Variants in PID1 observed in about 807,000 individuals in gnomAD.
PID1 encodes phosphotyrosine interaction domain containing 1.
A neutral mutation model predicts 19.1 loss-of-function variants in PID1; 10 were observed. The observed-to-expected ratio is 0.52, with a 90% CI of 0.32 to 0.89. The LOEUF is 0.89. Among genes scored for constraint, PID1 ranks in the 40% least tolerant of loss-of-function variants. The probability of loss-of-function intolerance (pLI) is 0.03; values close to 1 mark genes in which losing one functional copy is unlikely to be tolerated. For synonymous variants in PID1, 130 were observed against 116.0 expected, an observed-to-expected ratio of 1.12 and a Z score of -0.78; for missense variants, 248 against 285.3, an observed-to-expected ratio of 0.87 and a Z score of 0.94.
Position 229,091,468 on chromosome 2 carries a change from T to C in PID1, c.177+64350A>G, listed in dbSNP as rs559616820. Among the ~76,000 whole-genome samples the C allele has an allele frequency of 2.6e-5, 4 of 152,262 alleles. No individual in the cohort carries two copies. In the East Asian group the frequency reaches 7.7e-4, roughly 29 times the overall value. ...CTGCAAAATTCATATATTGAAATCC[T>C]AACCCCCGAAGTGACGGTATGAAGA... On this transcript the variant is annotated intron_variant, in intron 2 of 2. Coordinates refer to ENST00000392055, the MANE Select transcript of PID1 (RefSeq NM_001100818.2).
intron 2 of PID1, among the ~76,000 whole-genome samples, chr2:229,109,307 G>A (rs1311676883): frequency 1.3e-5 from 2 of 152,056 alleles, no homozygotes; most frequent in Non-Finnish European, 2.9e-5. Flanking sequence ...AAACCCCCGA[G>A]TTCTAATATA....
At chr2:229,063,667 C>T (rs1694260133) in intron 2 of PID1, among the ~76,000 whole-genome samples, 1 of 152,038 alleles carries the variant, frequency 6.6e-6, no homozygotes, top group African/African-American at 2.4e-5. Context: ...TTAAAATCCA[C>T]TGTTTCCCTG....
intron 2 of PID1, among the ~76,000 whole-genome samples, chr2:229,125,601 G>A (rs1695607380): frequency 6.6e-6 from 1 of 152,144 alleles, no homozygotes; most frequent in African/African-American, 2.4e-5. Flanking sequence ...CTACACTGAA[G>A]TACATAAATG....
intron 2 of PID1, among the ~76,000 whole-genome samples, chr2:229,103,351 T>C (rs1465779028): frequency 1.3e-5 from 2 of 152,120 alleles, no homozygotes; most frequent in Non-Finnish European, 2.9e-5. Context: ...TACCAGATGC[T>C]GAGGATCCAG....
At position 229,218,450 on chromosome 2, in the gene PID1, G is replaced by A. The variant is rs111979897; in HGVS notation, c.30+52564C>T. Among the ~76,000 whole-genome samples the A allele has an allele frequency of 1.4e-3, 220 of 152,050 alleles. 1 individual carries two copies. Among genetic ancestry groups the A allele is most frequent in the African/African-American group, 4.3e-3 (178 of 41,474 alleles). ...TCGTAATCACAGAGTAACTCTTCCC[G>A]CACACGTTGCAGAAATCAATAATGG... On this transcript the variant is annotated intron_variant, in intron 1 of 2. Coordinates refer to ENST00000392055, the MANE Select transcript of PID1 (RefSeq NM_001100818.2).
chr2:229,233,368 A>G (rs1303330612), intron 1 of PID1, among the ~76,000 whole-genome samples: 2 of 152,130 alleles, frequency 1.3e-5, no homozygotes, highest in Non-Finnish European at 1.5e-5. Flanking sequence ...CTTTTGAACT[A>G]CTTAATAGTT....
intron 1 of PID1, among the ~76,000 whole-genome samples, chr2:229,215,844 A>G (rs1691835168): frequency 6.6e-6 from 1 of 152,246 alleles, no homozygotes; most frequent in Non-Finnish European, 1.5e-5. Context: ...CAACCTGTTC[A>G]AATGTAATGC....
intron 1 of PID1, among the ~76,000 whole-genome samples, chr2:229,210,248 C>A (rs1691698926): frequency 6.6e-6 from 1 of 151,786 alleles, no homozygotes; most frequent in Non-Finnish European, 1.5e-5. Context: ...CATGGCGGCT[C>A]GCGCCTGTAA....
intron 2 of PID1, among the ~76,000 whole-genome samples, chr2:229,105,459 T>C (rs1695158024): frequency 6.6e-6 from 1 of 152,224 alleles, no homozygotes; most frequent in African/African-American, 2.4e-5. Flanking sequence ...TCCTGGGATC[T>C]GAGATATGCA....
At chr2:229,061,343 A>G (rs1275820577) in intron 2 of PID1, among the ~76,000 whole-genome samples, 2 of 152,088 alleles carry the variant, frequency 1.3e-5, no homozygotes, top group Non-Finnish European at 2.9e-5. Context: ...TTTTCCCAAC[A>G]GCATTTATTG....
chr2:229,221,429 C>T (rs960807774), intron 1 of PID1, among the ~76,000 whole-genome samples: 2 of 152,216 alleles, frequency 1.3e-5, no homozygotes, highest in Non-Finnish European at 2.9e-5. Flanking sequence ...CACCTAAAGA[C>T]TTTAGCCTTC....
At position 229,118,956 on chromosome 2, in the gene PID1, C is replaced by A. The variant is rs1361435839; in HGVS notation, c.177+36862G>T. On this transcript the variant is annotated intron_variant, in intron 2 of 2. Coordinates refer to ENST00000392055, the MANE Select transcript of PID1 (RefSeq NM_001100818.2). Reference sequence around the variant, plus strand: ...TAGCCAATTGTTTGAAATGTACCTGCTCAAAAAAATTCCAACTGGGGCAGG... The same window carrying A: ...TAGCCAATTGTTTGAAATGTACCTGATCAAAAAAATTCCAACTGGGGCAGG... Among the ~76,000 whole-genome samples, 3 of 152,164 alleles carry A rather than the reference C, an allele frequency of 2.0e-5. 1 individual carries two copies. Among genetic ancestry groups the A allele is most frequent in the African/African-American group, 7.2e-5 (3 of 41,460 alleles).
At position 229,024,505 on chromosome 2, in the gene PID1, C is replaced by T. The variant is rs191315964; in HGVS notation, c.*1127G>A. 6.6e-6 allele frequency: 1 copy of T among 152,652 alleles called. No homozygotes were observed. Among genetic ancestry groups the T allele is most frequent in the African/African-American group, 2.4e-5 (1 of 41,534 alleles). The allele number at this position is 152,652 out of a possible 1,614,324, so 9.5% of individuals were successfully genotyped here. ...AAGGGCAATTCTGACCCTAAGATATCATCAATTTTATGATAACGCAATAAG... is the reference window on the plus strand; with the variant it reads ...AAGGGCAATTCTGACCCTAAGATATTATCAATTTTATGATAACGCAATAAG... On this transcript the variant is annotated 3_prime_UTR_variant, in exon 3 of 3. Coordinates refer to ENST00000392055, the MANE Select transcript of PID1 (RefSeq NM_001100818.2).
At chr2:229,070,657 G>T (rs1376898424) in intron 2 of PID1, among the ~76,000 whole-genome samples, 1 of 152,104 alleles carries the variant, frequency 6.6e-6, no homozygotes, top group African/African-American at 2.4e-5. Flanking sequence ...AAATGTTTAC[G>T]ATTCACATAA....
intron 2 of PID1, among the ~76,000 whole-genome samples, chr2:229,078,528 G>C (rs1694608884): frequency 6.6e-6 from 1 of 152,088 alleles, no homozygotes; most frequent in Admixed American, 6.6e-5. Context: ...TATTAGCTGT[G>C]GGTTTGTCAT....
At chr2:229,072,983 C>T (rs2106203776) in intron 2 of PID1, among the ~76,000 whole-genome samples, 1 of 152,262 alleles carries the variant, frequency 6.6e-6, no homozygotes, top group African/African-American at 2.4e-5. Context: ...AACTGCAGGG[C>T]CTAAAATGAG....
intron 2 of PID1, among the ~76,000 whole-genome samples, chr2:229,148,496 T>C (rs6436854): frequency 0.14 from 21,089 of 152,090 alleles, 1,761 homozygotes; most frequent in East Asian, 0.28. Context: ...AGGCTGAGCG[T>C]GGCTTAAGTT....
At chr2:229,184,991 A>ATG (rs1228045155) in intron 1 of PID1, among the ~76,000 whole-genome samples, 1 of 143,386 alleles carries the variant, frequency 7.0e-6, no homozygotes, top group African/African-American at 2.6e-5. Flanking sequence ...TACTATATAT[A>ATG]TCCCATATAT....
At chr2:229,028,225 T>G (rs1693467655) in intron 2 of PID1, among the ~76,000 whole-genome samples, 2 of 152,338 alleles carry the variant, frequency 1.3e-5, no homozygotes, top group South Asian at 4.1e-4. Context: ...TGAGATATCT[T>G]GGGGAGATAA....
Sources: gnomAD v4.1 joint callset for allele counts (sites outside exome capture counted in the v4.1 genomes callset) on GRCh38, gnomAD v4.1.1 for gene constraint, MANE v1.5 for transcripts, NCBI Gene and HGNC (gene_info 2026-07-23, HGNC 2026-07-21) for gene names.